The following RAB3C variants were observed in gnomAD, a reference collection of about 807,000 sequenced individuals.
RAB3C encodes the protein ras-related protein Rab-3C.
RAB3C carries 17 observed loss-of-function variants against 26.4 expected under a neutral mutation model. The observed-to-expected ratio is 0.64, with a 90% CI of 0.44 to 0.97. The LOEUF is 0.97. Among genes scored for constraint, RAB3C ranks in the 50% least tolerant of loss-of-function variants. RAB3C has a pLI of 0.00. For missense variants in RAB3C, 242 were observed against 281.9 expected (o/e 0.86, Z 1.01); for synonymous variants, 91 against 95.9 (o/e 0.95, Z 0.30).
intron 3 of RAB3C, among the ~76,000 whole-genome samples, chr5:58,743,700 GA>G (rs1741330717): frequency 6.6e-6 from 1 of 152,050 alleles, no homozygotes; most frequent in South Asian, 2.1e-4. Flanking sequence ...TGCTGAGAAT[GA>G]TAGTTTCTAG....
chr5:58,610,800 A>G (rs1746683003), intron 1 of RAB3C, among the ~76,000 whole-genome samples: 1 of 152,102 alleles, frequency 6.6e-6, no homozygotes, highest in Non-Finnish European at 1.5e-5. Context: ...GCAGGTTTGT[A>G]TATAGGTAAA....
At chr5:58,715,435 G>A (rs1749149971) in intron 2 of RAB3C, among the ~76,000 whole-genome samples, 2 of 151,886 alleles carry the variant, frequency 1.3e-5, no homozygotes, top group Admixed American at 1.3e-4. Flanking sequence ...ATCTTTAAAA[G>A]TACGGAAGGG....
In RAB3C at chr5:58,587,592, G is replaced by T. The variant is rs149485384; in HGVS notation, c.24+4360G>T. Among the ~76,000 whole-genome samples the T allele has an allele frequency of 4.6e-4, 70 of 152,212 alleles. 1 individual carries two copies. Among genetic ancestry groups the T allele is most frequent in the African/African-American group, 1.6e-3 (68 of 41,534 alleles). On this transcript the variant is annotated intron_variant, in intron 1 of 4. Coordinates refer to ENST00000282878, the MANE Select transcript of RAB3C (RefSeq NM_138453.4). Reference sequence around the variant, plus strand: ...TTTTTAGATAATATTTATATACATTGAAATGCACAAATCTTAAGTGAACAA... The same window carrying T: ...TTTTTAGATAATATTTATATACATTTAAATGCACAAATCTTAAGTGAACAA...
At chr5:58,694,249 G>T (rs1004378536) in intron 2 of RAB3C, among the ~76,000 whole-genome samples, 1 of 152,090 alleles carries the variant, frequency 6.6e-6, no homozygotes, top group Non-Finnish European at 1.5e-5. Context: ...CCATGTCCCT[G>T]CAAAGGACAT....
chr5:58,717,107 T>C (rs1749188089), intron 2 of RAB3C, among the ~76,000 whole-genome samples: 1 of 152,104 alleles, frequency 6.6e-6, no homozygotes, highest in African/African-American at 2.4e-5. Context: ...CAGTTTTGCG[T>C]GAACCTAAAA....
intron 2 of RAB3C, among the ~76,000 whole-genome samples, chr5:58,642,744 C>A (rs768891338): frequency 1.6e-4 from 24 of 152,238 alleles, no homozygotes; most frequent in Non-Finnish European, 2.8e-4. Flanking sequence ...AACTTCACTT[C>A]TTCCTCCCTA....
chr5:58,763,007 A>G (rs574528892), intron 3 of RAB3C, among the ~76,000 whole-genome samples: 2 of 152,360 alleles, frequency 1.3e-5, no homozygotes, highest in South Asian at 4.1e-4. Flanking sequence ...TACATGGAGT[A>G]GAGCAATGTT....
chr5:58,624,430 G>A (rs1747010639), intron 2 of RAB3C, among the ~76,000 whole-genome samples: 1 of 152,174 alleles, frequency 6.6e-6, no homozygotes, highest in Non-Finnish European at 1.5e-5. Context: ...TTTGAGCAGA[G>A]GTGGATTGAT....
intron 1 of RAB3C, among the ~76,000 whole-genome samples, chr5:58,595,315 G>T (rs1472571755): frequency 6.6e-6 from 1 of 152,188 alleles, no homozygotes; most frequent in Non-Finnish European, 1.5e-5. Flanking sequence ...AATTCAGCTT[G>T]ACTGGGCAGA....
At chr5:58,651,798 C>G (rs1363397652) in intron 2 of RAB3C, among the ~76,000 whole-genome samples, 1 of 152,146 alleles carries the variant, frequency 6.6e-6, no homozygotes, top group African/African-American at 2.4e-5. Context: ...ACCCCCATCC[C>G]TATACCAAAA....
At chr5:58,688,047 G>T (rs1362697729) in intron 2 of RAB3C, among the ~76,000 whole-genome samples, 1 of 152,000 alleles carries the variant, frequency 6.6e-6, no homozygotes, top group Non-Finnish European at 1.5e-5. Flanking sequence ...CTTTAGAGAG[G>T]CCAAAATGTT....
At chr5:58,796,508 G>A (rs1742652216) in intron 3 of RAB3C, among the ~76,000 whole-genome samples, 1 of 152,112 alleles carries the variant, frequency 6.6e-6, no homozygotes, top group South Asian at 2.1e-4. Flanking sequence ...GATGTAACAG[G>A]GTCCTGGCAG....
At chr5:58,737,448 T>TAAATATAA (rs779185979) in intron 3 of RAB3C, among the ~76,000 whole-genome samples, 1 of 31,308 alleles carries the variant, frequency 3.2e-5, no homozygotes, top group African/African-American at 9.5e-5. Flanking sequence ...TATATATATA[T>TAAATATAA]AATTTACTTG....
At chr5:58,819,044 A>G (rs915179303) in intron 3 of RAB3C, among the ~76,000 whole-genome samples, 6 of 152,224 alleles carry the variant, frequency 3.9e-5, no homozygotes, top group African/African-American at 1.2e-4. Flanking sequence ...TATTATTTCA[A>G]TTATAGGAAT....
At chr5:58,740,744 C>G (rs1020936964) in intron 3 of RAB3C, among the ~76,000 whole-genome samples, 1 of 152,118 alleles carries the variant, frequency 6.6e-6, no homozygotes, top group African/African-American at 2.4e-5. Flanking sequence ...CGCTTGAACC[C>G]AGGAGGTGGA....
At chr5:58,582,456 A>T (rs931765814), upstream of RAB3C, 20 of 983,472 alleles carry the variant, frequency 2.0e-5, 1 homozygote, top group East Asian at 5.7e-4. Context: ...TTAGCCAGAA[A>T]TCTCGCTTTC....
At chr5:58,728,869 C>G (rs567600405) in intron 3 of RAB3C, among the ~76,000 whole-genome samples, 1 of 152,150 alleles carries the variant, frequency 6.6e-6, no homozygotes, top group African/African-American at 2.4e-5. Flanking sequence ...CTTCCATACG[C>G]TCTATGTTTC....
At chr5:58,730,389 C>T (rs1053999997) in intron 3 of RAB3C, among the ~76,000 whole-genome samples, 8 of 151,912 alleles carry the variant, frequency 5.3e-5, no homozygotes, top group African/African-American at 1.9e-4. Context: ...CTACTAAAGC[C>T]TACTCTACAT....
At chr5:58,659,291 A>G (rs897130184) in intron 2 of RAB3C, among the ~76,000 whole-genome samples, 2 of 152,210 alleles carry the variant, frequency 1.3e-5, no homozygotes, top group Non-Finnish European at 2.9e-5. Context: ...TTTAAAATAT[A>G]CTGAAGTGAA....
Sources: gnomAD v4.1 joint callset for allele counts (sites outside exome capture counted in the v4.1 genomes callset) on GRCh38, gnomAD v4.1.1 for gene constraint, MANE v1.5 for transcripts, NCBI Gene and HGNC (gene_info 2026-07-23, HGNC 2026-07-21) for gene names.